Variants in SPAG9 observed in about 807,000 individuals in gnomAD.
SPAG9 encodes the protein sperm associated antigen 9, also known as C-Jun-amino-terminal kinase-interacting protein 4.
In SPAG9, 35 loss-of-function variants were observed where a neutral mutation model predicts 166.5. The observed-to-expected ratio is 0.21, with a 90% CI of 0.16 to 0.28. SPAG9 has a LOEUF of 0.28. Among genes scored for constraint, SPAG9 ranks in the 10% least tolerant of loss-of-function variants. The pLI is 1.00. For synonymous variants in SPAG9, 534 were observed against 565.5 expected (o/e 0.94, Z 0.79); for missense variants, 1,235 against 1,603.3 (o/e 0.77, Z 3.92).
chr17:51,029,496 A>T (rs2046309853), intron 6 of SPAG9, among the ~76,000 whole-genome samples: 1 of 152,212 alleles, frequency 6.6e-6, no homozygotes, highest in African/African-American at 2.4e-5. Context: ...TAACAGCCAT[A>T]AGGTGAAACC....
At position 50,999,464 on chromosome 17, in the gene SPAG9, G is replaced by C. The variant is rs1170545351; in HGVS notation, c.1664+197C>G. Reference sequence around the variant, plus strand: ...ACGATATCATATTTTTTGTCCTTGAGAAGAGCCTTACCGAGTTGGCACACT... The same window carrying C: ...ACGATATCATATTTTTTGTCCTTGACAAGAGCCTTACCGAGTTGGCACACT... On this transcript the variant is annotated intron_variant, in intron 14 of 29. Transcript: ENST00000262013. 63 of 1,493,458 alleles carry C rather than the reference G, an allele frequency of 4.2e-5. 1 individual carries two copies. Among genetic ancestry groups the C allele is most frequent in the Non-Finnish European group, 5.5e-5 (62 of 1,132,552 alleles). The allele number at this position is 1,493,458 out of a possible 1,614,324, so 92.5% of individuals were successfully genotyped here. A position where few individuals can be genotyped will look rare whatever the true frequency, so the allele number is the denominator to read the frequency against.
At chr17:51,118,581 C>T (rs951177378) in intron 1 of SPAG9, among the ~76,000 whole-genome samples, 1 of 152,174 alleles carries the variant, frequency 6.6e-6, no homozygotes, top group Non-Finnish European at 1.5e-5. Context: ...CCAGTCACTT[C>T]CATGTATATC....
chr17:50,998,090 T>C (rs1313656563), intron 15 of SPAG9, among the ~76,000 whole-genome samples: 2 of 137,740 alleles, frequency 1.5e-5, no homozygotes, highest in African/African-American at 5.5e-5. Context: ...GCTAGAGCAA[T>C]GGCATGATCT....
At chr17:51,037,696 G>A (rs1381651842) in intron 5 of SPAG9, among the ~76,000 whole-genome samples, 25 of 99,392 alleles carry the variant, frequency 2.5e-4, no homozygotes, top group African/African-American at 6.8e-4. Context: ...GTGTGTGTGT[G>A]TGTGTGTGTG....
At chr17:51,041,232 A>G (rs1283109316) in intron 5 of SPAG9, among the ~76,000 whole-genome samples, 2 of 152,230 alleles carry the variant, frequency 1.3e-5, no homozygotes, top group African/African-American at 4.8e-5. Context: ...AAACTCATAT[A>G]GCCTAAATCA....
rs779733843 is a variant in SPAG9, at chr17:51,120,535, C to A, written c.122G>T (p.Arg41Leu). The change falls in exon 1 of 30, where the codon CGC (arginine) becomes CTC (leucine). Residue 41 changes from arginine (R) to leucine (L), a missense_variant. By Grantham distance (102) the Arg-to-Leu change is moderately radical (BLOSUM62 -2). Transcript: ENST00000262013. The surrounding 1 kb of genome is among the most constrained non-coding windows in gnomAD (Gnocchi z 4.7). Reference sequence around the variant, plus strand: ...CTCTTTGACCACCTCCTCGTCATAGCGCCCGATAAGCCGCTCGAACTCGCG... The same window carrying A: ...CTCTTTGACCACCTCCTCGTCATAGAGCCCGATAAGCCGCTCGAACTCGCG... ...IYREFERLIG[R>L]YDEEVVKELM... 5 of 1,613,852 alleles carry A rather than the reference C, an allele frequency of 3.1e-6. No homozygotes were observed. The highest frequency in any genetic ancestry group is 1.3e-5 in the African/African-American group (1 of 74,934).
At chr17:51,012,715 C>A (rs1186972160) in intron 9 of SPAG9, among the ~76,000 whole-genome samples, 1 of 148,664 alleles carries the variant, frequency 6.7e-6, no homozygotes, top group Non-Finnish European at 1.5e-5. Context: ...ATCTCTCTTA[C>A]TAGATACTTT....
intron 29 of SPAG9, among the ~76,000 whole-genome samples, chr17:50,969,443 T>C (rs1973608819): frequency 6.6e-6 from 1 of 152,202 alleles, no homozygotes; most frequent in Non-Finnish European, 1.5e-5. Flanking sequence ...CTACCTTTCT[T>C]GGGCATTCAC....
At chr17:51,031,557 T>G in intron 6 of SPAG9, 124 bp downstream of exon 6, 1 of 731,938 alleles carries the variant, frequency 1.4e-6, no homozygotes, top group Non-Finnish European at 2.4e-6. Flanking sequence ...TATATTTCAG[T>G]GAATTACAAC....
At chr17:50,998,111 C>T (rs1165968033) in intron 15 of SPAG9, among the ~76,000 whole-genome samples, 1 of 146,368 alleles carries the variant, frequency 6.8e-6, no homozygotes. Context: ...CGGCTCACTG[C>T]AACCCCGCCT....
intron 1 of SPAG9, among the ~76,000 whole-genome samples, chr17:51,088,946 A>C (rs1056963179): frequency 6.6e-6 from 1 of 151,410 alleles, no homozygotes; most frequent in African/African-American, 2.4e-5. Context: ...TACTAAAATT[A>C]GCCAGGCGAG....
At chr17:51,015,326 A>C (rs2045651528) in intron 8 of SPAG9, among the ~76,000 whole-genome samples, 1 of 152,104 alleles carries the variant, frequency 6.6e-6, no homozygotes, top group African/African-American at 2.4e-5. Flanking sequence ...ATGAAACAGA[A>C]GGACAGGATT....
rs2044960482 is a variant in SPAG9, at chr17:51,001,715, C to T, written c.1607G>A (p.Arg536Gln). 6.2e-7 allele frequency: 1 copy of T among 1,601,534 alleles called. No individual in the cohort carries two copies. The highest frequency in any genetic ancestry group is 8.5e-7 in the Non-Finnish European group (1 of 1,177,032). Residue 536 changes from arginine (R) to glutamine (Q), a missense_variant and splice_region_variant, in exon 13 of 30, where the codon CGG becomes CAG. Physicochemically the swap from Arg to Gln is conservative, Grantham distance 43. This residue lies in a region of SPAG9 where 125 missense variants were observed against 194.0 expected (regional missense o/e 0.64). Coordinates refer to ENST00000262013, the MANE Select transcript of SPAG9 (RefSeq NM_001130528.3). ...ATAATGGAGCGCTTGTCATACAAAC[C>T]GAATCATCTCTGTCCATCGAACAGC... ...QEAVRWTEMI[R>Q]ASRENPAMQE... is the part of the protein sequence containing the mutation.
At chr17:51,015,999 C>A (rs1394757620) in intron 8 of SPAG9, among the ~76,000 whole-genome samples, 1 of 151,914 alleles carries the variant, frequency 6.6e-6, no homozygotes, top group East Asian at 1.9e-4. Context: ...TTTAAAAAAT[C>A]AAGAAAGTGA....
At chr17:51,004,155 A>C (rs2045091104) in intron 12 of SPAG9, among the ~76,000 whole-genome samples, 1 of 152,232 alleles carries the variant, frequency 6.6e-6, no homozygotes, top group Non-Finnish European at 1.5e-5. Context: ...TGATATGATA[A>C]AATTTTTTTT....
intron 9 of SPAG9, chr17:51,007,808 A>C: frequency 2.2e-6 from 1 of 452,006 alleles, no homozygotes; most frequent in African/African-American, 2.0e-5. Flanking sequence ...CTAAAGAAAG[A>C]TAGAACCCCA....
chr17:50,981,486 A>ATAGAT (rs1351328866), intron 25 of SPAG9, among the ~76,000 whole-genome samples: 2 of 43,166 alleles, frequency 4.6e-5, no homozygotes, highest in Non-Finnish European at 1.1e-4. Flanking sequence ...ACAGATAAAG[A>ATAGAT]TAGATAGATA....
chr17:51,111,747 C>T (rs894749338), intron 1 of SPAG9, among the ~76,000 whole-genome samples: 21 of 152,170 alleles, frequency 1.4e-4, no homozygotes, highest in African/African-American at 4.6e-4. Context: ...GGATTACAGG[C>T]GTCCGCCACC....
chr17:51,115,518 T>C lies in SPAG9; in HGVS notation c.303+4836A>G, dbSNP rs147672341. Among the ~76,000 whole-genome samples, 238 of 151,832 alleles carry C rather than the reference T, an allele frequency of 1.6e-3. 1 individual carries two copies. The highest frequency in any genetic ancestry group is 4.0e-3 in the Admixed American group (61 of 15,170). On this transcript the variant is annotated intron_variant, in intron 1 of 29. Coordinates refer to ENST00000262013, the MANE Select transcript of SPAG9 (RefSeq NM_001130528.3). ...TTCTCTCTTCAGTCCATTCTCTGCA[T>C]GTATGAGTCTATCTCAAAAAGGAGG...
Sources: gnomAD v4.1 joint callset for allele counts (sites outside exome capture counted in the v4.1 genomes callset) on GRCh38, gnomAD v4.1.1 for gene constraint, gnomAD v4.1.1 regional missense constraint, Gnocchi (gnomAD v3.1) non-coding constraint, MANE v1.5 for transcripts, NCBI Gene and HGNC (gene_info 2026-07-23, HGNC 2026-07-21) for gene names.